Variants in ABLIM1 observed in about 807,000 individuals in gnomAD.
ABLIM1 encodes the protein actin binding LIM protein 1, also known as actin-binding LIM protein 1.
A neutral mutation model predicts 107.0 loss-of-function variants in ABLIM1; 40 were observed. The ratio of observed to expected loss-of-function variants is 0.37; its 90% confidence interval spans 0.29 to 0.49. ABLIM1 has a LOEUF of 0.49. Among genes scored for constraint, ABLIM1 ranks in the 20% least tolerant of loss-of-function variants. The pLI is 0.97. For missense variants in ABLIM1, 857 were observed against 1,008.5 expected (o/e 0.85, Z 2.04); for synonymous variants, 357 against 357.3 (o/e 1.00, Z 0.01).
intron 2 of ABLIM1, among the ~76,000 whole-genome samples, chr10:114,587,597 G>T (rs886213691): frequency 1.3e-5 from 2 of 152,104 alleles, no homozygotes; most frequent in African/African-American, 2.4e-5. Flanking sequence ...GAGCATCACG[G>T]TTCCATTTAT....
At chr10:114,473,810 C>G in intron 9 of ABLIM1, 69 bp downstream of exon 9, 7 of 1,218,894 alleles carry the variant, frequency 5.7e-6, no homozygotes, top group Middle Eastern at 2.1e-4. Flanking sequence ...TTTTGGATTA[C>G]CCATTCTGCT....
intron 8 of ABLIM1, among the ~76,000 whole-genome samples, chr10:114,475,998 A>G (rs1356824770): frequency 4.6e-5 from 7 of 152,264 alleles, no homozygotes; most frequent in African/African-American, 9.6e-5. Flanking sequence ...AAACTCCTTC[A>G]GACAAGGGTG....
rs1159988302 is a variant in ABLIM1 at position 114,601,556 on chromosome 10, CT to C, written c.379+270del. 1.2e-4 allele frequency: 59 copies of C among 511,032 alleles called. No individual in the cohort carries two copies. The Middle Eastern group carries it at 1.6e-3, about 14-fold the overall frequency. The allele number at this position is 511,032 out of a possible 1,614,324, so 31.7% of individuals were successfully genotyped here. ...GCTGGGATTATAGGCGTGAGCCGGC[CT>C]TTTTACTGCTCGTTCTCAGTGTTAG... On this transcript the variant is annotated intron_variant, in intron 2 of 22. Transcript: ENST00000533213.
At chr10:114,715,913 A>G (rs2081649934) in intron 1 of ABLIM1, among the ~76,000 whole-genome samples, 1 of 152,220 alleles carries the variant, frequency 6.6e-6, no homozygotes, top group Non-Finnish European at 1.5e-5. Context: ...CCTAAAAAAC[A>G]TCAACATGTT....
At chr10:114,501,202 T>C (rs1242588799) in intron 6 of ABLIM1, among the ~76,000 whole-genome samples, 1 of 152,206 alleles carries the variant, frequency 6.6e-6, no homozygotes, top group Non-Finnish European at 1.5e-5. Flanking sequence ...GTAGGTAATA[T>C]GCCCATTTCA....
At chr10:114,526,517 A>G (rs1163083704) in intron 6 of ABLIM1, 1 of 498,680 alleles carries the variant, frequency 2.0e-6, no homozygotes, top group African/African-American at 2.1e-5. Context: ...TGTCAGGGCA[A>G]TAAAAGTGAC....
intron 8 of ABLIM1, among the ~76,000 whole-genome samples, chr10:114,474,686 C>A (rs776316862): frequency 1.3e-5 from 2 of 152,130 alleles, no homozygotes; most frequent in African/African-American, 2.4e-5. Flanking sequence ...AGCCGAGAGA[C>A]CTTTCAAGAA....
At chr10:114,671,601 G>C (rs1393326097) in intron 1 of ABLIM1, among the ~76,000 whole-genome samples, 2 of 152,208 alleles carry the variant, frequency 1.3e-5, no homozygotes, top group African/African-American at 4.8e-5. Flanking sequence ...GAGAATTGCA[G>C]TTGTTTCACA....
intron 1 of ABLIM1, among the ~76,000 whole-genome samples, chr10:114,668,486 A>ATCTT (rs1288633677): frequency 1.3e-5 from 2 of 152,242 alleles, no homozygotes; most frequent in South Asian, 2.1e-4. Flanking sequence ...GGGGAAATCA[A>ATCTT]TCTTTCTTTC....
In ABLIM1 at chr10:114,658,232, G is replaced by C; in HGVS notation, c.-32C>G. 1 of 1,584,126 alleles carries C rather than the reference G, an allele frequency of 6.3e-7. No individual in the cohort carries two copies. The highest frequency in any genetic ancestry group is 8.6e-7 in the Non-Finnish European group (1 of 1,161,200). On this transcript the variant is annotated 5_prime_UTR_variant, in exon 1 of 23. Transcript: ENST00000533213. ...ATGGATTTCCAAGCAATGAGAAATG[G>C]GGAGTGGGGACCCAAGGAGCGGTGC...
chr10:114,789,025 G>A, the ABLIM1 span, among the ~76,000 whole-genome samples: 8 of 152,146 alleles, frequency 5.3e-5, no homozygotes, highest in African/African-American at 1.9e-4. Context: ...GGGAGGCCGA[G>A]GTGGGCGGAT....
At chr10:114,451,262 A>G (rs936267426) in intron 14 of ABLIM1, among the ~76,000 whole-genome samples, 1 of 152,230 alleles carries the variant, frequency 6.6e-6, no homozygotes, top group Non-Finnish European at 1.5e-5. Context: ...TCACCAGTTT[A>G]AATTAGTCTC....
chr10:114,716,410 A>AAAACACACACACACAC lies in ABLIM1; in HGVS notation c.-213+51650_-213+51651insGTGTGTGTGTGTGTTT, dbSNP rs541504016. Among the ~76,000 whole-genome samples, 42 of 143,624 alleles carry AAAACACACACACACAC rather than the reference A, an allele frequency of 2.9e-4. 1 individual carries two copies. The highest frequency in any genetic ancestry group is 1.1e-3 in the African/African-American group (41 of 38,424). The allele number at this position is 143,624 out of a possible 152,430, so 94.2% of individuals were successfully genotyped here. On this transcript the variant is annotated intron_variant, in intron 1 of 15. Transcript: ENST00000651092. ...TAGTGTTCTCAAATTGGTAGAGAGAAACACACACACACACACACACACACA... is the reference window on the plus strand; with the variant it reads ...TAGTGTTCTCAAATTGGTAGAGAGAAAAACACACACACACACACACACACACACACACACACACACA...
chr10:114,569,900 G>T (rs544920131), intron 4 of ABLIM1, among the ~76,000 whole-genome samples: 73 of 152,282 alleles, frequency 4.8e-4, no homozygotes, highest in South Asian at 8.3e-4. Flanking sequence ...TGAATAACAT[G>T]TGCTAATATG....
At chr10:114,730,447 A>G (rs2082049776) in intron 1 of ABLIM1, among the ~76,000 whole-genome samples, 1 of 151,728 alleles carries the variant, frequency 6.6e-6, no homozygotes, top group Non-Finnish European at 1.5e-5. Context: ...GGGCTGAGTA[A>G]GCACTATGAT....
In ABLIM1 at chr10:114,431,904, C is replaced by T. The variant is rs138269965; in HGVS notation, c.*4356G>A. Reference sequence around the variant, plus strand: ...ATGATTAAACTTGCCCAAATAAAAACATAACAATCCATATGCAAAGCATAT... The same window carrying T: ...ATGATTAAACTTGCCCAAATAAAAATATAACAATCCATATGCAAAGCATAT... On this transcript the variant is annotated 3_prime_UTR_variant, in exon 23 of 23. Coordinates refer to ENST00000533213, the MANE Select transcript of ABLIM1 (RefSeq NM_002313.7). 4 of 152,234 alleles carry T rather than the reference C, an allele frequency of 2.6e-5. No homozygotes were observed. Among genetic ancestry groups the T allele is most frequent in the South Asian group, 2.1e-4 (1 of 4,824 alleles). The allele number at this position is 152,234 out of a possible 1,614,324, so 9.4% of individuals were successfully genotyped here. A position where few individuals can be genotyped will look rare whatever the true frequency, so the allele number is the denominator to read the frequency against.
intron 6 of ABLIM1, among the ~76,000 whole-genome samples, chr10:114,534,361 C>A (rs2065765799): frequency 6.6e-6 from 1 of 152,058 alleles, no homozygotes; most frequent in Admixed American, 6.5e-5. Flanking sequence ...GGAACTATAT[C>A]CCTTACTGCA....
intron 1 of ABLIM1, among the ~76,000 whole-genome samples, chr10:114,753,475 T>C (rs1387646607): frequency 1.3e-5 from 2 of 152,218 alleles, no homozygotes; most frequent in African/African-American, 2.4e-5. Context: ...TAAGGGACTA[T>C]TAAATCAGGT....
At chr10:114,789,654 T>G in the ABLIM1 span, among the ~76,000 whole-genome samples, 704 of 152,366 alleles carry the variant, frequency 4.6e-3, 10 homozygotes, top group African/African-American at 0.016. Flanking sequence ...GTAGTTTTGA[T>G]TTACATTGCT....
Sources: gnomAD v4.1 joint callset for allele counts (sites outside exome capture counted in the v4.1 genomes callset) on GRCh38, gnomAD v4.1.1 for gene constraint, MANE v1.5 for transcripts, NCBI Gene and HGNC (gene_info 2026-07-23, HGNC 2026-07-21) for gene names.